Variants in F2RL1 observed in about 807,000 individuals in gnomAD.
F2RL1 encodes the protein proteinase-activated receptor 2.
F2RL1 carries 16 observed loss-of-function variants against 21.7 expected under a neutral mutation model. The observed-to-expected ratio is 0.74, with a 90% CI of 0.50 to 1.12. The LOEUF (loss-of-function observed/expected upper bound fraction) is 1.12. F2RL1 is among the 50% of genes most tolerant of loss of function. The pLI is 0.00. For synonymous variants in F2RL1, 181 were observed against 186.7 expected (o/e 0.97, Z 0.25); for missense variants, 432 against 477.8 (o/e 0.90, Z 0.89).
rs1291193608 is a variant in F2RL1 at position 76,834,982 on chromosome 5, A to G, written c.*1181A>G. On this transcript the variant is annotated 3_prime_UTR_variant, in exon 2 of 2. Transcript: ENST00000296677. ...CAATCAGGATTTTAAACATGTAAAT[A>G]CAAATTTTGTATAACTTTTGATGAC... is the stretch of plus-strand genomic sequence containing the variant. 7 of 152,386 alleles carry G rather than the reference A, an allele frequency of 4.6e-5. No homozygotes were observed. Among genetic ancestry groups the G allele is most frequent in the East Asian group, 3.7e-4 (2 of 5,340 alleles). The allele number at this position is 152,386 out of a possible 1,614,324, so 9.4% of individuals were successfully genotyped here.
chr5:76,831,481 G>A (rs528040822), intron 1 of F2RL1, among the ~76,000 whole-genome samples: 6 of 151,270 alleles, frequency 4.0e-5, no homozygotes, highest in Non-Finnish European at 7.4e-5. Context: ...GATGGGGATC[G>A]CTATTTTACA....
rs2242994 is a variant in F2RL1 at position 76,819,728 on chromosome 5, C to G, written c.82+464C>G. The stretch of plus-strand genomic sequence containing the variant: ...GGCCCCGCGGGGCCGGTGGGGTTAG[C>G]GAGCTGATTGCGCAGGGCAGGGCGG... On this transcript the variant is annotated intron_variant, in intron 1 of 1. Transcript: ENST00000296677. Among the ~76,000 whole-genome samples, 503 of 152,138 alleles carry G rather than the reference C, an allele frequency of 3.3e-3. 5 individuals carry two copies. The highest frequency in any genetic ancestry group is 0.012 in the African/African-American group (489 of 41,526).
At position 76,833,640 on chromosome 5, in the gene F2RL1, T is replaced by A; in HGVS notation, c.1033T>A (p.Tyr345Asn). 6.2e-7 allele frequency: 1 copy of A among 1,614,066 alleles called. No homozygotes were observed. The highest frequency in any genetic ancestry group is 1.1e-5 in the South Asian group (1 of 91,084). ...LNSCIDPFVY[Y>N]FVSHDFRDHA... ...CAGCTGCATCGACCCCTTTGTCTAT[T>A]ACTTTGTTTCACATGATTTCAGGGA... Residue 345 changes from tyrosine to asparagine, a missense_variant, in exon 2 of 2, where the codon TAC becomes AAC. By Grantham distance (143) the Tyr-to-Asn change is moderately radical. Transcript: ENST00000296677.
chr5:76,830,722 A>G (rs1412138508), intron 1 of F2RL1, among the ~76,000 whole-genome samples: 1 of 152,222 alleles, frequency 6.6e-6, no homozygotes, highest in African/African-American at 2.4e-5. Flanking sequence ...CGATTAGGAC[A>G]TAGACTTCTC....
At position 76,833,278 on chromosome 5, in the gene F2RL1, C is replaced by T. The variant is rs367675464; in HGVS notation, c.671C>T (p.Thr224Met). 20 of 1,613,536 alleles carry T rather than the reference C, an allele frequency of 1.2e-5. No homozygotes were observed. Among genetic ancestry groups the T allele is most frequent in the African/African-American group, 4.0e-5 (3 of 74,756 alleles). Residue 224 changes from threonine to methionine, a missense_variant, in exon 2 of 2, where the codon ACG (threonine) becomes ATG (methionine). By Grantham distance (81) the Thr-to-Met change is moderately conservative. Coordinates refer to ENST00000296677, the MANE Select transcript of F2RL1 (RefSeq NM_005242.6). ...ATCTTCATTCCTGCCCTGAACATCACGACCTGTCATGATGTTTTGCCTGAG... is the reference window on the plus strand; with the variant it reads ...ATCTTCATTCCTGCCCTGAACATCATGACCTGTCATGATGTTTTGCCTGAG... The part of the protein sequence containing the change: ...QTIFIPALNI[T>M]TCHDVLPEQL...
Position 76,833,969 on chromosome 5 carries a change from C to G in F2RL1, c.*168C>G. 1 of 637,142 alleles carries G rather than the reference C, an allele frequency of 1.6e-6. No individual in the cohort carries two copies. Among genetic ancestry groups the G allele is most frequent in the East Asian group, 2.7e-5 (1 of 36,636 alleles). The allele number at this position is 637,142 out of a possible 1,614,324, so 39.5% of individuals were successfully genotyped here. On this transcript the variant is annotated 3_prime_UTR_variant, in exon 2 of 2. Transcript: ENST00000296677. ...CCCCTGTTTGCATGAGAAAAGTAGT[C>G]CCCCAAATTAACATCAGTGTCTGTT...
rs754875227 is a variant in F2RL1 at position 76,833,536 on chromosome 5, A to G, written c.929A>G (p.His310Arg). The G allele has an allele frequency of 9.3e-6, 15 of 1,612,840 alleles. No individual in the cohort carries two copies. The highest frequency in any genetic ancestry group is 1.3e-5 in the Non-Finnish European group (15 of 1,179,830). The change falls in exon 2 of 2, where the codon CAT (histidine) becomes CGT (arginine). Residue 310 changes from histidine (H) to arginine (R), a missense_variant. By Grantham distance (29) the His-to-Arg change is conservative. Coordinates refer to ENST00000296677, the MANE Select transcript of F2RL1 (RefSeq NM_005242.6). The stretch of plus-strand genomic sequence containing the variant: ...CCTAGTAACCTTCTGCTTGTGGTGC[A>G]TTATTTTCTGATTAAGAGCCAGGGC... ...FTPSNLLLVV[H>R]YFLIKSQGQS...
intron 1 of F2RL1, among the ~76,000 whole-genome samples, chr5:76,829,212 C>T (rs986990418): frequency 6.6e-6 from 1 of 150,864 alleles, no homozygotes; most frequent in South Asian, 2.1e-4. Flanking sequence ...ATCTTCTACT[C>T]TATAAATTTC....
chr5:76,825,640 T>C (rs943247032), intron 1 of F2RL1, among the ~76,000 whole-genome samples: 4 of 152,212 alleles, frequency 2.6e-5, no homozygotes, highest in African/African-American at 7.2e-5. Flanking sequence ...TGGTTGACAA[T>C]TGGGAGCTGG....
chr5:76,824,246 C>A (rs920300196), intron 1 of F2RL1, among the ~76,000 whole-genome samples: 1 of 147,902 alleles, frequency 6.8e-6, no homozygotes, highest in Non-Finnish European at 1.5e-5. Context: ...TCACCCCCAG[C>A]TAATTTTTTT....
At chr5:76,831,211 T>C (rs1358917511) in intron 1 of F2RL1, among the ~76,000 whole-genome samples, 1 of 152,096 alleles carries the variant, frequency 6.6e-6, no homozygotes, top group Non-Finnish European at 1.5e-5. Context: ...CAGCCACCTA[T>C]CCAGGCCAGA....
Position 76,833,699 on chromosome 5 carries a change from C to T in F2RL1, c.1092C>T (p.Val364=), listed in dbSNP as rs922586131. 2.0e-5 allele frequency: 33 copies of T among 1,614,042 alleles called. No individual in the cohort carries two copies. The highest frequency in any genetic ancestry group is 2.7e-5 in the Non-Finnish European group (32 of 1,180,012). The change falls in exon 2 of 2, where the codon GTC becomes GTT. Residue 364 remains valine, a synonymous_variant. Coordinates refer to ENST00000296677, the MANE Select transcript of F2RL1 (RefSeq NM_005242.6). The part of the protein sequence containing the change: ...HAKNALLCRS[V]RTVKQMQVSL... ...AGAACGCTCTCCTTTGCCGAAGTGT[C>T]CGCACTGTAAAGCAGATGCAAGTAT...
At chr5:76,832,607 G>C (rs970021324) in intron 1 of F2RL1, 83 bp from the exon 2 acceptor site, 3 of 1,316,874 alleles carry the variant, frequency 2.3e-6, no homozygotes, top group Non-Finnish European at 3.1e-6. Flanking sequence ...ATGAATAAAT[G>C]AATGTACTTT....
At chr5:76,831,034 C>A (rs1750340431) in intron 1 of F2RL1, among the ~76,000 whole-genome samples, 1 of 152,068 alleles carries the variant, frequency 6.6e-6, no homozygotes, top group Non-Finnish European at 1.5e-5. Flanking sequence ...TATTCAGTAT[C>A]CTTATATTGT....
intron 1 of F2RL1, among the ~76,000 whole-genome samples, chr5:76,828,356 A>T (rs895639771): frequency 2.6e-5 from 4 of 152,186 alleles, no homozygotes; most frequent in Non-Finnish European, 4.4e-5. Flanking sequence ...TTTCATCCTA[A>T]AGTATTTTAG....
Position 76,819,279 on chromosome 5 carries a change from C to A in F2RL1, c.82+15C>A. 1 of 1,580,904 alleles carries A rather than the reference C, an allele frequency of 6.3e-7. No individual in the cohort carries two copies. The highest frequency in any genetic ancestry group is 1.8e-5 in the Admixed American group (1 of 56,366). ...CACCATCCAAGGTGAGAAACCTGGC[C>A]AAGGAGGGCTCTTATCTCTGAGGAG... On this transcript the variant is annotated intron_variant, in intron 1 of 1. Transcript: ENST00000296677.
Position 76,833,125 on chromosome 5 carries a change from G to A in F2RL1, c.518G>A (p.Arg173Lys). 6.2e-7 allele frequency: 1 copy of A among 1,614,202 alleles called. No individual in the cohort carries two copies. The highest frequency in any genetic ancestry group is 8.5e-7 in the Non-Finnish European group (1 of 1,180,034). ...ILFMTCLSVQ[R>K]YWVIVNPMGH... ...TTCATGACCTGCCTCAGTGTGCAGA[G>A]GTATTGGGTCATCGTGAACCCCATG... Residue 173 changes from arginine (R) to lysine (K), a missense_variant, in exon 2 of 2, where the codon AGG (arginine) becomes AAG (lysine). Coordinates refer to ENST00000296677, the MANE Select transcript of F2RL1 (RefSeq NM_005242.6).
At chr5:76,827,922 G>A (rs888156725) in intron 1 of F2RL1, among the ~76,000 whole-genome samples, 2 of 152,038 alleles carry the variant, frequency 1.3e-5, no homozygotes, top group Non-Finnish European at 2.9e-5. Context: ...AACCATTTGA[G>A]GAACTGCCAG....
At chr5:76,824,650 G>C (rs2150605367) in intron 1 of F2RL1, among the ~76,000 whole-genome samples, 1 of 152,222 alleles carries the variant, frequency 6.6e-6, no homozygotes, top group East Asian at 1.9e-4. Flanking sequence ...CTTTTTGATA[G>C]ATGTTGAAAT....
Sources: gnomAD v4.1 joint callset for allele counts (sites outside exome capture counted in the v4.1 genomes callset) on GRCh38, gnomAD v4.1.1 for gene constraint, MANE v1.5 for transcripts, NCBI Gene and HGNC (gene_info 2026-07-23, HGNC 2026-07-21) for gene names.